ANKRD62: variants seen among roughly 807,000 people sequenced by gnomAD.
The protein encoded by ANKRD62 is ankyrin repeat domain 62.
ANKRD62 carries 61 observed loss-of-function variants against 98.8 expected under a neutral mutation model. That is an observed-to-expected ratio of 0.62 (90% CI 0.50 to 0.76). ANKRD62 has a LOEUF of 0.76. Among genes scored for constraint, ANKRD62 ranks in the 30% least tolerant of loss-of-function variants. The pLI is 0.00. For missense variants in ANKRD62, 933 were observed against 1,082.9 expected (o/e 0.86, Z 1.94); for synonymous variants, 341 against 367.9 (o/e 0.93, Z 0.84).
At chr18:12,127,641 G>T in intron 13 of ANKRD62, 107 bp from the exon 14 acceptor site, 1 of 733,258 alleles carries the variant, frequency 1.4e-6, no homozygotes, top group Non-Finnish European at 2.0e-6. Context: ...AGAAGAATCA[G>T]TGTGTGGTGG....
the ANKRD62 span, among the ~76,000 whole-genome samples, chr18:12,135,178 G>C: frequency 6.9e-6 from 1 of 144,098 alleles, no homozygotes; most frequent in Non-Finnish European, 1.5e-5. Flanking sequence ...ATCTCCTAAT[G>C]CTATCCCTCC....
the ANKRD62 span, among the ~76,000 whole-genome samples, chr18:12,154,420 G>T: frequency 2.0e-5 from 3 of 152,182 alleles, no homozygotes; most frequent in Non-Finnish European, 4.4e-5. Flanking sequence ...AGTCAGAATG[G>T]CTGTTATAAG....
At chr18:12,181,019 T>A in the ANKRD62 span, among the ~76,000 whole-genome samples, 12 of 149,474 alleles carry the variant, frequency 8.0e-5, no homozygotes, top group African/African-American at 4.9e-5. Context: ...AATTCCCACC[T>A]ATGAGTGAGA....
rs1238376683 is a variant in ANKRD62, at chr18:12,125,561, T to G, written c.1740T>G (p.His580Gln). The G allele has an allele frequency of 4.6e-6, 7 of 1,528,192 alleles. No homozygotes were observed. In the East Asian group the frequency reaches 1.5e-4, roughly 32 times the overall value. The allele number at this position is 1,528,192 out of a possible 1,614,324, so 94.7% of individuals were successfully genotyped here. A position where few individuals can be genotyped will look rare whatever the true frequency, so the allele number is the denominator to read the frequency against. Residue 580 changes from histidine (H) to glutamine (Q), a missense_variant, in exon 13 of 14, where the codon CAT becomes CAG. Physicochemically the swap from His to Gln is conservative, Grantham distance 24 (BLOSUM62 0). Coordinates refer to ENST00000587848, the MANE Select transcript of ANKRD62 (RefSeq NM_001277333.2). ...RLRLEIDTIK[H>Q]QNQETENKYF... ...GGCTGGAAATAGACACAATAAAACA[T>G]CAGAACCAGGAAACTGAAAATAAAT...
the ANKRD62 span, among the ~76,000 whole-genome samples, chr18:12,170,273 A>G: frequency 1.3e-5 from 2 of 152,196 alleles, no homozygotes; most frequent in African/African-American, 2.4e-5. Flanking sequence ...ATTTAGTGCC[A>G]TAAATTTCCC....
the ANKRD62 span, among the ~76,000 whole-genome samples, chr18:12,135,865 C>T: frequency 2.0e-5 from 3 of 151,956 alleles, no homozygotes; most frequent in East Asian, 3.9e-4. Context: ...CTGTTCATAT[C>T]CTTTGCCCAC....
intron 10 of ANKRD62, among the ~76,000 whole-genome samples, chr18:12,121,097 T>A (rs1909773346): frequency 6.6e-6 from 1 of 152,228 alleles, no homozygotes; most frequent in South Asian, 2.1e-4. Context: ...TTTACGATTG[T>A]GATCTGTGTT....
At position 12,125,824 on chromosome 18, in the gene ANKRD62, A is replaced by G. The variant is rs1458741158; in HGVS notation, c.2003A>G (p.Asp668Gly). ...CRLAAALCDH[D>G]QRQSSKRDLQ... ...CTGGCTGCTGCCCTATGTGATCATG[A>G]TCAACGTCAGTCATCAAAAAGAGAC... The change falls in exon 13 of 14, where the codon GAT becomes GGT. Residue 668 changes from aspartate (D) to glycine (G), a missense_variant. Physicochemically the swap from Asp to Gly is moderately conservative, Grantham distance 94. This residue lies in a region of ANKRD62 where 362 missense variants were observed against 434.5 expected (regional missense o/e 0.83). Coordinates refer to ENST00000587848, the MANE Select transcript of ANKRD62 (RefSeq NM_001277333.2). 6.5e-7 allele frequency: 1 copy of G among 1,549,560 alleles called. No individual in the cohort carries two copies. Among genetic ancestry groups the G allele is most frequent in the Admixed American group, 2.0e-5 (1 of 51,040 alleles).
At chr18:12,095,316 A>T in intron 2 of ANKRD62, 31 bp downstream of exon 2, 1 of 1,533,942 alleles carries the variant, frequency 6.5e-7, no homozygotes, top group Non-Finnish European at 8.8e-7. Flanking sequence ...TCAGCATGGG[A>T]TGGATTTAAT....
intron 2 of ANKRD62, 28 bp from the exon 3 acceptor site, chr18:12,095,409 A>C: frequency 6.4e-7 from 1 of 1,553,260 alleles, no homozygotes. Flanking sequence ...TAGAATTTAC[A>C]GTCTATTTCT....
chr18:12,119,476 T>A (rs1336585343), intron 10 of ANKRD62, among the ~76,000 whole-genome samples: 1 of 152,052 alleles, frequency 6.6e-6, no homozygotes, highest in Non-Finnish European at 1.5e-5. Flanking sequence ...GCTGTCAAAT[T>A]TGCTGTGTGG....
intron 10 of ANKRD62, among the ~76,000 whole-genome samples, chr18:12,119,035 G>C (rs566589983): frequency 1.3e-5 from 2 of 152,046 alleles, no homozygotes; most frequent in Non-Finnish European, 2.9e-5. Flanking sequence ...TTTCTAGGAC[G>C]GTCCTCAGCT....
chr18:12,099,463 C>T (rs1163398195), intron 5 of ANKRD62, among the ~76,000 whole-genome samples, 152 bp from the exon 6 acceptor site: 2 of 152,082 alleles, frequency 1.3e-5, no homozygotes, highest in Non-Finnish European at 2.9e-5. Context: ...TAATTAGAAG[C>T]TTAATAAGAG....
At chr18:12,154,526 G>A in the ANKRD62 span, among the ~76,000 whole-genome samples, 2 of 152,140 alleles carry the variant, frequency 1.3e-5, no homozygotes, top group African/African-American at 4.8e-5. Flanking sequence ...ATTGTGGAAA[G>A]CCGTATGGTG....
intron 6 of ANKRD62, chr18:12,102,662 G>A (rs1909329055): frequency 1.0e-6 from 1 of 967,304 alleles, no homozygotes; most frequent in African/African-American, 1.8e-5. Flanking sequence ...AATGAAATTT[G>A]TCAGAATAGT....
intron 6 of ANKRD62, among the ~76,000 whole-genome samples, chr18:12,101,451 G>C (rs1021173094): frequency 6.6e-6 from 1 of 152,074 alleles, no homozygotes; most frequent in Non-Finnish European, 1.5e-5. Context: ...CTAAGATTTA[G>C]AAATTCATAA....
At chr18:12,121,875 T>C (rs1379110105) in intron 10 of ANKRD62, among the ~76,000 whole-genome samples, 14 of 152,164 alleles carry the variant, frequency 9.2e-5, no homozygotes, top group Non-Finnish European at 1.9e-4. Flanking sequence ...GGAAGCAGAT[T>C]GCCGCAGAGC....
the ANKRD62 span, among the ~76,000 whole-genome samples, chr18:12,172,906 C>T: frequency 6.6e-6 from 1 of 152,196 alleles, no homozygotes; most frequent in African/African-American, 2.4e-5. Context: ...ACCCTCTGAG[C>T]CATGCATGGG....
the ANKRD62 span, among the ~76,000 whole-genome samples, chr18:12,169,807 G>T: frequency 6.6e-6 from 1 of 152,122 alleles, no homozygotes. Flanking sequence ...CAGTTTCAGA[G>T]CCTGTTATTG....
Sources: gnomAD v4.1 joint callset for allele counts (sites outside exome capture counted in the v4.1 genomes callset) on GRCh38, gnomAD v4.1.1 for gene constraint, gnomAD v4.1.1 regional missense constraint, MANE v1.5 for transcripts, NCBI Gene and HGNC (gene_info 2026-07-23, HGNC 2026-07-21) for gene names.